The following PGAP6 variants were observed in gnomAD, a reference collection of about 807,000 sequenced individuals.
PGAP6 encodes the protein post-GPI attachment to proteins factor 6.
PGAP6 carries 62 observed loss-of-function variants against 68.4 expected under a neutral mutation model. The observed-to-expected ratio is 0.91, with a 90% CI of 0.74 to 1.12. The LOEUF (loss-of-function observed/expected upper bound fraction) is 1.12. Among genes scored for constraint, PGAP6 ranks in the 50% most tolerant of loss-of-function variants. The probability of loss-of-function intolerance (pLI) is 0.00; values close to 1 mark genes in which losing one functional copy is unlikely to be tolerated. For missense variants in PGAP6, 1,188 were observed against 1,068.5 expected (o/e 1.11, Z -1.56); for synonymous variants, 575 against 474.0 (o/e 1.21, Z -2.77).
chr16:386,723 AACC>A (rs764994184), upstream of PGAP6: 7 of 438,298 alleles, frequency 1.6e-5, no homozygotes, highest in African/African-American at 9.0e-5. Flanking sequence ...AAAAAAAAAA[AACC>A]AAAAAAAAAA....
intron 4 of PGAP6, 54 bp from the exon 5 acceptor site, chr16:376,866 C>G (rs1237333096): frequency 6.3e-7 from 1 of 1,589,074 alleles, no homozygotes; most frequent in African/African-American, 1.3e-5. Context: ...AGCCCAGGGA[C>G]GCAGCGTGCC....
intron 3 of PGAP6, 97 bp from the exon 4 acceptor site, chr16:377,261 T>C: frequency 6.3e-7 from 1 of 1,593,690 alleles, no homozygotes; most frequent in African/African-American, 1.3e-5. Flanking sequence ...GGAGCAGGGC[T>C]GGCCCCAGAG....
At chr16:382,476 A>T, upstream of PGAP6, 1 of 371,806 alleles carries the variant, frequency 2.7e-6, no homozygotes, top group Non-Finnish European at 4.8e-6. Context: ...GAGCCGCTGC[A>T]GGTGCGTGTC....
chr16:377,250 G>C, intron 3 of PGAP6, 86 bp from the exon 4 acceptor site: 1 of 1,601,168 alleles, frequency 6.2e-7, no homozygotes, highest in East Asian at 2.2e-5. Flanking sequence ...CCGGCATGCA[G>C]GGAGCAGGGC....
In PGAP6 at chr16:377,163, C is replaced by A. The variant is rs1253425787; in HGVS notation, c.509G>T (p.Gly170Val). The A allele has an allele frequency of 6.2e-7, 1 of 1,613,356 alleles. No homozygotes were observed. The highest frequency in any genetic ancestry group is 1.1e-5 in the South Asian group (1 of 91,088). ...GACGTAGGCACAGGTGGGAGCCAAG[C>A]CCTAGGGAAAGAACAGGTGTGGGCG... The part of the protein sequence containing the change: ...PPSSQKIELK[G>V]LAPTCAYVFQ... The change falls in exon 4 of 13, where the codon GGC becomes GTC. Residue 170 changes from glycine (G) to valine (V), a missense_variant and splice_region_variant. Coordinates refer to ENST00000431232, the MANE Select transcript of PGAP6 (RefSeq NM_021259.3).
At position 374,087 on chromosome 16, in the gene PGAP6, T is replaced by C; in HGVS notation, c.1820A>G (p.Gln607Arg). 1 of 1,612,070 alleles carries C rather than the reference T, an allele frequency of 6.2e-7. No individual in the cohort carries two copies. The highest frequency in any genetic ancestry group is 8.5e-7 in the Non-Finnish European group (1 of 1,179,954). ...VLCILSYDTL[Q>R]YCDFLGSGAA... ...CCCGGAGCCCAAGAAGTCGCAGTAC[T>C]GCAGCGTGTCGTAGCTGAGGATGCA... Residue 607 changes from glutamine (Q) to arginine (R), a missense_variant, in exon 11 of 13, where the codon CAG becomes CGG. By Grantham distance (43) the Gln-to-Arg change is conservative. Coordinates refer to ENST00000431232, the MANE Select transcript of PGAP6 (RefSeq NM_021259.3).
At position 371,738 on chromosome 16, in the gene PGAP6, G is replaced by A. The variant is rs995233940; in HGVS notation, c.*249C>T. ...TGTGGTCTCCAAGTAACCAAGCCCA[G>A]GCCCCAGGGGCCACTGCAGACAGCA... is the stretch of plus-strand genomic sequence containing the variant. On this transcript the variant is annotated 3_prime_UTR_variant, in exon 13 of 13. Transcript: ENST00000431232. 1.6e-5 allele frequency: 8 copies of A among 512,412 alleles called. No homozygotes were observed. Among genetic ancestry groups the A allele is most frequent in the Admixed American group, 1.0e-4 (3 of 29,408 alleles). 31.7% of individuals were successfully genotyped at this position (512,412 alleles called of 1,614,324 possible). A position where few individuals can be genotyped will look rare whatever the true frequency, so the allele number is the denominator to read the frequency against.
upstream of PGAP6, among the ~76,000 whole-genome samples, chr16:386,485 G>A (rs80066378): frequency 9.0e-3 from 1,363 of 152,108 alleles, 21 homozygotes; most frequent in African/African-American, 0.031. Flanking sequence ...CTCACTCTGT[G>A]GTCAGGCAGG....
At position 371,457 on chromosome 16, in the gene PGAP6, C is replaced by G. The variant is rs866127767; in HGVS notation, c.*530G>C. Reference sequence around the variant, plus strand: ...TCAGCTCTGGGGGAAACCTCCGTCTCCCGTCCCTATGGTGACCACAGCAGC... The same window carrying G: ...TCAGCTCTGGGGGAAACCTCCGTCTGCCGTCCCTATGGTGACCACAGCAGC... On this transcript the variant is annotated 3_prime_UTR_variant, in exon 13 of 13. Transcript: ENST00000431232. 2 of 155,698 alleles carry G rather than the reference C, an allele frequency of 1.3e-5. No individual in the cohort carries two copies. The highest frequency in any genetic ancestry group is 4.8e-5 in the African/African-American group (2 of 41,438). The allele number at this position is 155,698 out of a possible 1,614,324, so 9.6% of individuals were successfully genotyped here.
chr16:376,236 G>T lies in PGAP6; in HGVS notation c.1124C>A (p.Ser375Ter), dbSNP rs141404417. ...GGGCGTGTCCGAACACACCCTCACC[G>T]AGACCCTGTCCAGGGGCTGGAAGTG... is the stretch of plus-strand genomic sequence containing the variant. Reference protein sequence around the residue: ...SVHFQPLDRVSVRVCSDTPSV... With the variant: ...SVHFQPLDRV Residue 375 changes from serine to a stop codon, truncating the protein, a stop_gained, in exon 6 of 13, where the codon TCG becomes TAG. Transcript: ENST00000431232. LOFTEE classifies it high-confidence loss of function. 6.2e-7 allele frequency: 1 copy of T among 1,612,808 alleles called. No homozygotes were observed. The highest frequency in any genetic ancestry group is 1.7e-5 in the Admixed American group (1 of 60,032).
At chr16:373,611 CACTCCAACGCCTCCAATGCCTGGGATCAA>C (rs2054353081) in intron 11 of PGAP6, among the ~76,000 whole-genome samples, 1 of 152,248 alleles carries the variant, frequency 6.6e-6, no homozygotes, top group Non-Finnish European at 1.5e-5. Context: ...GACCTCGGCT[CACTCCAACGCCTCCAATGCCTGGGATCAA>C]GCGATCCTCC....
chr16:376,918 C>A, intron 4 of PGAP6, 106 bp from the exon 5 acceptor site: 1 of 1,557,654 alleles, frequency 6.4e-7, no homozygotes. Flanking sequence ...GGGGGCCAGG[C>A]ATCTGGACCA....
rs1269436368 is a variant in PGAP6, at chr16:375,398, AC to A, written c.1261del (p.Val421Ter). The A allele has an allele frequency of 6.2e-7, 1 of 1,612,906 alleles. No homozygotes were observed. The highest frequency in any genetic ancestry group is 1.7e-5 in the Admixed American group (1 of 60,026). ...MRNETVVVACVNAASPFLGFN... is the reference protein window; with the variant it reads ...MRNETVVVACXNAASPFLGFN... ...GCCAAGGAAGGGCGAGGCAGCATTC[AC>A]GCAGGCCACTACGACGGTCTCGTTC... On this transcript the variant is annotated frameshift_variant, in exon 7 of 13. Coordinates refer to ENST00000431232, the MANE Select transcript of PGAP6 (RefSeq NM_021259.3). LOFTEE classifies it high-confidence loss of function.
Position 372,075 on chromosome 16 carries a change from G to A in PGAP6, c.2228C>T (p.Pro743Leu), listed in dbSNP as rs143333706. The change falls in exon 13 of 13, where the codon CCC (proline) becomes CTC (leucine). Residue 743 changes from proline to leucine, a missense_variant. Transcript: ENST00000431232. ...AALLLPPPDQ[P>L]AEPWACSQKF... ...CTGCGAGCAGGCCCAGGGCTCGGCGGGCTGGTCAGGTGGCGGCAGCAGCAA... is the reference window on the plus strand; with the variant it reads ...CTGCGAGCAGGCCCAGGGCTCGGCGAGCTGGTCAGGTGGCGGCAGCAGCAA... 41 of 1,612,196 alleles carry A rather than the reference G, an allele frequency of 2.5e-5. No homozygotes were observed. The highest frequency in any genetic ancestry group is 1.9e-4 in the African/African-American group (14 of 74,830).
rs1039349397 is a variant in PGAP6, at chr16:371,711, C to T, written c.*276G>A. 13 of 461,106 alleles carry T rather than the reference C, an allele frequency of 2.8e-5. 1 individual carries two copies. Among genetic ancestry groups the T allele is most frequent in the Non-Finnish European group, 1.6e-5 (4 of 251,250 alleles). 28.6% of individuals were successfully genotyped at this position (461,106 alleles called of 1,614,324 possible). Reference sequence around the variant, plus strand: ...ACACAGCCCCACCCTCGCACAGGCACCTGTGGTCTCCAAGTAACCAAGCCC... The same window carrying T: ...ACACAGCCCCACCCTCGCACAGGCATCTGTGGTCTCCAAGTAACCAAGCCC... On this transcript the variant is annotated 3_prime_UTR_variant, in exon 13 of 13. Transcript: ENST00000431232.
upstream of PGAP6, chr16:386,728 A>G: frequency 1.1e-5 from 1 of 90,358 alleles, no homozygotes; most frequent in South Asian, 1.1e-4. Flanking sequence ...AAAAAAACCA[A>G]AAAAAAAAAA....
chr16:374,213 C>T lies in PGAP6; in HGVS notation c.1755+8G>A. ...CACCCCACATCCCTGCAGGAGGGGC[C>T]AGCCTACCGTGGAGAAGAACATGGT... On this transcript the variant is annotated splice_region_variant and intron_variant, in intron 10 of 12. Coordinates refer to ENST00000431232, the MANE Select transcript of PGAP6 (RefSeq NM_021259.3). The T allele has an allele frequency of 5.6e-6, 9 of 1,610,246 alleles. No individual in the cohort carries two copies. The highest frequency in any genetic ancestry group is 7.6e-6 in the Non-Finnish European group (9 of 1,179,660).
upstream of PGAP6, among the ~76,000 whole-genome samples, chr16:386,418 G>C (rs556691110): frequency 6.6e-6 from 1 of 151,984 alleles, no homozygotes. Flanking sequence ...GGTAGACATG[G>C]GAGACCCTGT....
intron 9 of PGAP6, 47 bp downstream of exon 9, chr16:374,709 A>G (rs1328999876): frequency 1.2e-6 from 2 of 1,606,120 alleles, no homozygotes; most frequent in East Asian, 2.2e-5. Context: ...CAGCACTGGA[A>G]GCCAACAGCA....
Sources: gnomAD v4.1 joint callset for allele counts (sites outside exome capture counted in the v4.1 genomes callset) on GRCh38, gnomAD v4.1.1 for gene constraint, MANE v1.5 for transcripts, NCBI Gene and HGNC (gene_info 2026-07-23, HGNC 2026-07-21) for gene names.